The following SYK variants were observed in gnomAD, a reference collection of about 807,000 sequenced individuals.
The protein encoded by SYK is tyrosine-protein kinase SYK.
A neutral mutation model predicts 77.8 loss-of-function variants in SYK; 16 were observed. The observed-to-expected ratio is 0.21, with a 90% CI of 0.14 to 0.31. The LOEUF (loss-of-function observed/expected upper bound fraction) is 0.31, where lower values mean the gene tolerates loss of function less well. Among genes scored for constraint, SYK ranks in the 10% least tolerant of loss-of-function variants. SYK has a pLI of 1.00. For synonymous variants in SYK, 312 were observed against 308.7 expected, an observed-to-expected ratio of 1.01 and a Z score of -0.11; for missense variants, 529 against 814.4, an observed-to-expected ratio of 0.65 and a Z score of 4.26.
At chr9:90,835,634 A>T (rs1864203) in intron 1 of SYK, among the ~76,000 whole-genome samples, 9,305 of 152,222 alleles carry the variant, frequency 0.061, 371 homozygotes, top group Non-Finnish European at 0.089. Flanking sequence ...TCAGATAAGA[A>T]AGTGTTTTCC....
intron 11 of SYK, among the ~76,000 whole-genome samples, chr9:90,884,482 C>T (rs368694062): frequency 0.13 from 861 of 6,686 alleles, 385 homozygotes; most frequent in Admixed American, 0.25. Context: ...TATACATACA[C>T]ACACATACAC....
intron 13 of SYK, among the ~76,000 whole-genome samples, chr9:90,889,754 G>T (rs1021804562): frequency 1.3e-5 from 2 of 152,244 alleles, no homozygotes; most frequent in Non-Finnish European, 2.9e-5. Context: ...GTGCAACAGG[G>T]AGAGCTAAGT....
At chr9:90,877,866 T>C in intron 10 of SYK, 86 bp downstream of exon 10, 1 of 1,432,374 alleles carries the variant, frequency 7.0e-7, no homozygotes, top group Non-Finnish European at 9.7e-7. Context: ...CCTGATTTCC[T>C]TGGGAAGCCT....
intron 9 of SYK, among the ~76,000 whole-genome samples, chr9:90,875,050 T>A (rs1189463442): frequency 6.6e-6 from 1 of 151,924 alleles, no homozygotes; most frequent in East Asian, 1.9e-4. Context: ...ACCAACCTAA[T>A]AGTACATGCA....
At chr9:90,877,517 T>A in intron 9 of SYK, 54 bp from the exon 10 acceptor site, 10 of 1,584,958 alleles carry the variant, frequency 6.3e-6, no homozygotes, top group Non-Finnish European at 8.6e-6. Flanking sequence ...GATAAGATTA[T>A]CTAGAAGTGA....
intron 13 of SYK, among the ~76,000 whole-genome samples, chr9:90,890,631 A>G (rs1828750046): frequency 6.6e-6 from 1 of 152,230 alleles, no homozygotes; most frequent in African/African-American, 2.4e-5. Context: ...CACAAGCCCC[A>G]GTCAAAAGGA....
chr9:90,812,005 C>T lies in SYK; in HGVS notation c.-42+10112C>T, dbSNP rs1350754162. On this transcript the variant is annotated intron_variant, in intron 1 of 13. Transcript: ENST00000375754. ...AATAATTTAAGTGATATTGGATTGT[C>T]GTTTACTACTTATACATGCATTTCT... Among the ~76,000 whole-genome samples, 7 of 151,282 alleles carry T rather than the reference C, an allele frequency of 4.6e-5. No homozygotes were observed. In the East Asian group the frequency reaches 1.2e-3, roughly 25 times the overall value.
Position 90,847,628 on chromosome 9 carries a change from G to A in SYK, c.578+2034G>A, listed in dbSNP as rs150638217. 1.3e-3 allele frequency among the ~76,000 whole-genome samples: 198 copies of A among 152,324 alleles called. 2 individuals carry two copies. The highest frequency in any genetic ancestry group is 4.1e-3 in the African/African-American group (171 of 41,576). On this transcript the variant is annotated intron_variant, in intron 3 of 13. Transcript: ENST00000375754. ...CATGCCCAGGCCTGGCATCAGGCAG[G>A]GTATTAGTGAGAGGGAAGAGCAGAG...
intron 2 of SYK, 94 bp downstream of exon 2, chr9:90,844,409 CTG>C: frequency 7.5e-7 from 1 of 1,341,166 alleles, no homozygotes; most frequent in South Asian, 1.5e-5. Context: ...CCTATGTGCC[CTG>C]TGTGCCCAAA....
Position 90,878,831 on chromosome 9 carries a change from G to A in SYK, c.1459G>A (p.Glu487Lys). 1 of 1,614,216 alleles carries A rather than the reference G, an allele frequency of 6.2e-7. No homozygotes were observed. The highest frequency in any genetic ancestry group is 8.5e-7 in the Non-Finnish European group (1 of 1,180,022). The change falls in exon 11 of 14, where the codon GAG (glutamate) becomes AAG (lysine). Residue 487 changes from glutamate (E) to lysine (K), a missense_variant. Coordinates refer to ENST00000375754, the MANE Select transcript of SYK (RefSeq NM_003177.7). The stretch of plus-strand genomic sequence containing the variant: ...TTCCATGGGCATGAAGTACTTGGAG[G>A]AGAGCAATTTTGTGCACAGAGATCT... ...QVSMGMKYLE[E>K]SNFVHRDLAA... is the part of the protein sequence containing the mutation.
chr9:90,846,056 T>G (rs1826580543), intron 3 of SYK, among the ~76,000 whole-genome samples: 1 of 152,012 alleles, frequency 6.6e-6, no homozygotes, highest in Admixed American at 6.6e-5. Context: ...CATCCATGAG[T>G]GGTGAGTGCA....
chr9:90,840,478 C>A (rs1015116901), intron 1 of SYK, among the ~76,000 whole-genome samples: 3 of 151,616 alleles, frequency 2.0e-5, no homozygotes, highest in Admixed American at 6.6e-5. Flanking sequence ...AGCCACCGCG[C>A]CCGGCCAAGG....
intron 1 of SYK, 137 bp from the exon 2 acceptor site, chr9:90,843,721 G>C: frequency 1.9e-6 from 1 of 539,600 alleles, no homozygotes; most frequent in East Asian, 3.4e-5. Context: ...CTGTGTGTTG[G>C]GAGGGCCAAA....
intron 7 of SYK, among the ~76,000 whole-genome samples, chr9:90,873,905 G>T (rs1827830147): frequency 6.6e-6 from 1 of 152,170 alleles, no homozygotes; most frequent in Non-Finnish European, 1.5e-5. Flanking sequence ...GTGCAAGGGG[G>T]TGAGTGGGGA....
chr9:90,828,483 C>T (rs903643985), intron 1 of SYK, among the ~76,000 whole-genome samples: 2 of 152,044 alleles, frequency 1.3e-5, no homozygotes, highest in African/African-American at 4.8e-5. Flanking sequence ...GGCCCTGGGA[C>T]ATGGTAGATG....
chr9:90,864,819 T>C (rs1827415848), intron 5 of SYK, 152 bp downstream of exon 5: 1 of 750,142 alleles, frequency 1.3e-6, no homozygotes, highest in South Asian at 1.8e-5. Context: ...ATTTTGTATA[T>C]CGTGAATCAA....
intron 7 of SYK, among the ~76,000 whole-genome samples, chr9:90,870,518 G>A (rs10119179): frequency 0.082 from 12,478 of 152,230 alleles, 648 homozygotes; most frequent in African/African-American, 0.15. Context: ...TCCTCAAGTT[G>A]TACCCTGTTG....
intron 13 of SYK, among the ~76,000 whole-genome samples, chr9:90,893,597 C>A (rs578048012): frequency 6.6e-6 from 1 of 152,130 alleles, no homozygotes; most frequent in South Asian, 2.1e-4. Context: ...TGCTTTCAGC[C>A]CAACAATCAG....
intron 13 of SYK, among the ~76,000 whole-genome samples, chr9:90,889,135 C>T (rs898223855): frequency 2.0e-5 from 3 of 152,208 alleles, no homozygotes; most frequent in African/African-American, 4.8e-5. Flanking sequence ...CCCTGACTGC[C>T]GTCATACGTC....
Sources: allele counts gnomAD v4.1 joint callset (sites outside exome capture counted in the v4.1 genomes callset), GRCh38; gene constraint gnomAD v4.1.1; transcripts MANE v1.5; gene names NCBI Gene and HGNC (gene_info 2026-07-23, HGNC 2026-07-21).